Variants in NCAN observed in about 807,000 individuals in gnomAD.
The protein encoded by NCAN is neurocan core protein.
A neutral mutation model predicts 121.8 loss-of-function variants in NCAN; 47 were observed. The ratio of observed to expected loss-of-function variants is 0.39; its 90% CI spans 0.31 to 0.49. The LOEUF is 0.49. Among genes scored for constraint, NCAN ranks in the 20% least tolerant of loss-of-function variants. The pLI, the probability that NCAN is intolerant of heterozygous loss-of-function variation, is 0.92. For missense variants in NCAN, 1,517 were observed against 1,773.4 expected (o/e 0.86, Z 2.60); for synonymous variants, 633 against 702.0 (o/e 0.90, Z 1.55).
intron 1 of NCAN, among the ~76,000 whole-genome samples, chr19:19,216,340 C>A (rs1323475566): frequency 6.6e-6 from 1 of 150,534 alleles, no homozygotes; most frequent in Non-Finnish European, 1.5e-5. Flanking sequence ...GAGACAGAGT[C>A]TCACCCTGTC....
At position 19,235,079 on chromosome 19, in the gene NCAN, G is replaced by A. The variant is rs1344343159; in HGVS notation, c.3233G>A (p.Gly1078Asp). ...FVCLCLPSYG[G>D]SFCEKDTEGC... ...TGCCTTTGCCTCCCCAGCTATGGGGGCAGCTTTTGTGAGAAAGGTGAGTTT... is the reference window on the plus strand; with the variant it reads ...TGCCTTTGCCTCCCCAGCTATGGGGACAGCTTTTGTGAGAAAGGTGAGTTT... Residue 1078 changes from glycine (G) to aspartate (D), a missense_variant, in exon 10 of 15, where the codon GGC becomes GAC. Physicochemically the swap from Gly to Asp is moderately conservative, Grantham distance 94. Transcript: ENST00000252575. 3 of 1,611,024 alleles carry A rather than the reference G, an allele frequency of 1.9e-6. No homozygotes were observed. The highest frequency in any genetic ancestry group is 2.5e-6 in the Non-Finnish European group (3 of 1,177,708).
At chr19:19,240,871 C>T (rs2060900921) in intron 12 of NCAN, among the ~76,000 whole-genome samples, 186 bp downstream of exon 12, 1 of 152,176 alleles carries the variant, frequency 6.6e-6, no homozygotes, top group African/African-American at 2.4e-5. Context: ...TTCCCCAGCC[C>T]AAGTAAACAG....
intron 1 of NCAN, among the ~76,000 whole-genome samples, chr19:19,214,351 G>A (rs2060788422): frequency 6.6e-6 from 1 of 152,182 alleles, no homozygotes. Context: ...AGACAGCTGT[G>A]TAAATGCTCA....
chr19:19,249,346 C>T (rs961397416), intron 14 of NCAN, among the ~76,000 whole-genome samples: 9 of 151,634 alleles, frequency 5.9e-5, no homozygotes, highest in African/African-American at 1.7e-4. Context: ...GCTGGGATTA[C>T]AGGCGTGAGC....
At chr19:19,229,205 TCAAAAA>T (rs1404014202) in intron 8 of NCAN, among the ~76,000 whole-genome samples, 1 of 152,026 alleles carries the variant, frequency 6.6e-6, no homozygotes, top group Non-Finnish European at 1.5e-5. Context: ...TGAGACTCTG[TCAAAAA>T]CAAAAACAAA....
intron 10 of NCAN, 115 bp downstream of exon 10, chr19:19,235,211 C>A: frequency 1.7e-6 from 1 of 590,534 alleles, no homozygotes; most frequent in Non-Finnish European, 3.1e-6. Flanking sequence ...GTGAGCCTGA[C>A]ACAAGATAAA....
chr19:19,229,161 T>A (rs1166051815), intron 8 of NCAN, among the ~76,000 whole-genome samples: 1 of 152,150 alleles, frequency 6.6e-6, no homozygotes, highest in Admixed American at 6.5e-5. Flanking sequence ...TGAGCTGAGA[T>A]TGTACCACTG....
At chr19:19,224,951 C>A (rs1000650841) in intron 5 of NCAN, 26 bp from the exon 6 acceptor site, 3 of 1,387,538 alleles carry the variant, frequency 2.2e-6, no homozygotes, top group South Asian at 1.6e-5. Context: ...CCCAGCCCCC[C>A]TGACCTCCAC....
chr19:19,244,309 C>CTTT lies in NCAN; in HGVS notation c.3493-989_3493-987dup, dbSNP rs532412223. ...TGTTCCCTGTCTGAACCCTTACTAT[C>CTTT]TTTTTTTTTTTTTTTTTGAGATAGA... is the stretch of plus-strand genomic sequence containing the variant. On this transcript the variant is annotated intron_variant, in intron 12 of 14. Coordinates refer to ENST00000252575, the MANE Select transcript of NCAN (RefSeq NM_004386.3). Among the ~76,000 whole-genome samples the CTTT allele has an allele frequency of 1.8e-3, 227 of 127,608 alleles. 6 individuals carry two copies. The highest frequency in any genetic ancestry group is 6.0e-3 in the African/African-American group (193 of 32,236). 83.7% of individuals were successfully genotyped at this position (127,608 alleles called of 152,430 possible). A position where few individuals can be genotyped will look rare whatever the true frequency, so the allele number is the denominator to read the frequency against.
In NCAN at chr19:19,245,434, C is replaced by T. The variant is rs1166938895; in HGVS notation, c.3614C>T (p.Pro1205Leu). The T allele has an allele frequency of 6.2e-7, 1 of 1,614,136 alleles. No individual in the cohort carries two copies. Among genetic ancestry groups the T allele is most frequent in the South Asian group, 1.1e-5 (1 of 91,078 alleles). ...WNDVPCNYNL[P>L]YVCKKGTVLC... ...GATGTCCCCTGCAACTACAACCTAC[C>T]CTATGTCTGCAAGAAGGGCACAGGT... is the stretch of plus-strand genomic sequence containing the variant. The change falls in exon 13 of 15, where the codon CCC becomes CTC. Residue 1205 changes from proline to leucine, a missense_variant. Pro to Leu is a moderately conservative substitution (Grantham distance 98). Transcript: ENST00000252575.
chr19:19,217,101 G>A, intron 2 of NCAN, 75 bp downstream of exon 2: 2 of 1,064,216 alleles, frequency 1.9e-6, no homozygotes, highest in Non-Finnish European at 2.5e-6. Flanking sequence ...GAATTCCAGA[G>A]CCTTCTCCTG....
At position 19,235,112 on chromosome 19, in the gene NCAN, A is replaced by C. The variant is rs1227135025; in HGVS notation, c.3250+16A>C. On this transcript the variant is annotated intron_variant, in intron 10 of 14. Coordinates refer to ENST00000252575, the MANE Select transcript of NCAN (RefSeq NM_004386.3). Reference sequence around the variant, plus strand: ...TGTGAGAAAGGTGAGTTTCTATTGCAACACCAGAAACAGTACCAAGAGTGG... The same window carrying C: ...TGTGAGAAAGGTGAGTTTCTATTGCCACACCAGAAACAGTACCAAGAGTGG... 1.9e-6 allele frequency: 3 copies of C among 1,561,354 alleles called. No homozygotes were observed. The South Asian group carries it at 3.4e-5, about 17-fold the overall frequency.
At chr19:19,214,309 G>A (rs929752523) in intron 1 of NCAN, among the ~76,000 whole-genome samples, 2 of 152,150 alleles carry the variant, frequency 1.3e-5, no homozygotes, top group Non-Finnish European at 2.9e-5. Context: ...TATGCATGAG[G>A]CTTGTACATT....
Position 19,225,550 on chromosome 19 carries a change from C to A in NCAN, c.1072+280C>A, listed in dbSNP as rs2060833304. ...GGCTGTATCTCCTGAGGTCCGGAGGCCCCATAACCTTGAAAGACAAGCCCC... is the reference window on the plus strand; with the variant it reads ...GGCTGTATCTCCTGAGGTCCGGAGGACCCATAACCTTGAAAGACAAGCCCC... On this transcript the variant is annotated intron_variant, in intron 6 of 14. Coordinates refer to ENST00000252575, the MANE Select transcript of NCAN (RefSeq NM_004386.3). The surrounding 1 kb of genome is among the most constrained non-coding windows in gnomAD (Gnocchi z 4.0). 6.6e-6 allele frequency among the ~76,000 whole-genome samples: 1 copy of A among 152,178 alleles called. No individual in the cohort carries two copies. Among genetic ancestry groups the A allele is most frequent in the African/African-American group, 2.4e-5 (1 of 41,446 alleles).
rs1238420196 is a variant in NCAN at position 19,238,258 on chromosome 19, G to A, written c.3256G>A (p.Glu1086Lys). ...GCTCCTATCCCATCTCCCAGACACCGAGGGCTGTGACCGCGGCTGGCATAA... is the reference window on the plus strand; with the variant it reads ...GCTCCTATCCCATCTCCCAGACACCAAGGGCTGTGACCGCGGCTGGCATAA... ...YGGSFCEKDTEGCDRGWHKFQ... is the reference protein window; with the variant it reads ...YGGSFCEKDTKGCDRGWHKFQ... The change falls in exon 11 of 15, where the codon GAG becomes AAG. Residue 1086 changes from glutamate to lysine, a missense_variant. Physicochemically the swap from Glu to Lys is moderately conservative, Grantham distance 56 (BLOSUM62 1). Transcript: ENST00000252575. 1.2e-6 allele frequency: 2 copies of A among 1,614,154 alleles called. No homozygotes were observed. The highest frequency in any genetic ancestry group is 1.1e-5 in the South Asian group (1 of 91,086).
intron 5 of NCAN, 136 bp downstream of exon 5, chr19:19,224,569 T>G (rs2060828346): frequency 7.5e-6 from 9 of 1,193,464 alleles, no homozygotes; most frequent in Non-Finnish European, 1.0e-5. Flanking sequence ...CAAGACATGA[T>G]TCCACTCATT....
intron 8 of NCAN, among the ~76,000 whole-genome samples, chr19:19,230,883 CTGTGTGTGTGTGTG>C (rs367759381): frequency 1.5e-4 from 18 of 121,838 alleles, no homozygotes; most frequent in South Asian, 2.9e-4. Context: ...CCACACCCGG[CTGTGTGTGTGTGTG>C]TGTGTGTGTG....
chr19:19,214,214 ACACT>A (rs972074293), intron 1 of NCAN, among the ~76,000 whole-genome samples: 9 of 149,448 alleles, frequency 6.0e-5, no homozygotes, highest in African/African-American at 1.8e-4. Flanking sequence ...TTACACACAC[ACACT>A]CACACACACT....
intron 12 of NCAN, 103 bp from the exon 13 acceptor site, chr19:19,245,210 T>C (rs1445486133): frequency 1.4e-5 from 20 of 1,405,122 alleles, no homozygotes; most frequent in Non-Finnish European, 1.9e-5. Context: ...TGAATCCCTG[T>C]GAGTTTGAGG....
Sources: gnomAD v4.1 joint callset for allele counts (sites outside exome capture counted in the v4.1 genomes callset) on GRCh38, gnomAD v4.1.1 for gene constraint, Gnocchi (gnomAD v3.1) non-coding constraint, MANE v1.5 for transcripts, NCBI Gene and HGNC (gene_info 2026-07-23, HGNC 2026-07-21) for gene names.